STPG2: variants seen among roughly 807,000 people sequenced by gnomAD.
STPG2 encodes sperm tail PG-rich repeat containing 2, also known as sperm-tail PG-rich repeat-containing protein 2.
A neutral mutation model predicts 54.2 loss-of-function variants in STPG2; 56 were observed. That is an observed-to-expected ratio of 1.03 (90% confidence interval 0.83 to 1.29). The LOEUF (loss-of-function observed/expected upper bound fraction) is 1.29, where lower values mean the gene tolerates loss of function less well. Ranked by LOEUF, STPG2 falls within the 50% of genes most tolerant of loss-of-function variation. The pLI is 0.00. For missense variants in STPG2, 596 were observed against 544.9 expected (o/e 1.09, Z -0.93); for synonymous variants, 200 against 181.8 (o/e 1.10, Z -0.81).
At chr4:97,843,666 T>C (rs546315740) in intron 8 of STPG2, among the ~76,000 whole-genome samples, 4 of 152,086 alleles carry the variant, frequency 2.6e-5, no homozygotes, top group African/African-American at 9.6e-5. Flanking sequence ...GTTAAGTTGT[T>C]GAGAATCACA....
At chr4:97,602,234 T>C (rs138976410) in intron 10 of STPG2, among the ~76,000 whole-genome samples, 3,117 of 151,934 alleles carry the variant, frequency 0.021, 56 homozygotes, top group Middle Eastern at 0.051. Flanking sequence ...ACTATGTATC[T>C]ATCACTAATG....
chr4:97,815,275 G>C (rs1407153039), intron 9 of STPG2, among the ~76,000 whole-genome samples: 4 of 152,108 alleles, frequency 2.6e-5, no homozygotes, highest in Non-Finnish European at 5.9e-5. Flanking sequence ...TATACAGCTT[G>C]ACTATCCCTT....
intron 5 of STPG2, among the ~76,000 whole-genome samples, chr4:97,984,699 A>T (rs1734776912): frequency 6.6e-6 from 1 of 152,144 alleles, no homozygotes; most frequent in Non-Finnish European, 1.5e-5. Flanking sequence ...CCAAAAGATA[A>T]ATACGTATTT....
At chr4:97,595,192 A>C (rs1373597767) in intron 10 of STPG2, among the ~76,000 whole-genome samples, 1 of 152,236 alleles carries the variant, frequency 6.6e-6, no homozygotes, top group East Asian at 1.9e-4. Flanking sequence ...AAAGACTTGG[A>C]ACCAACCCAA....
At chr4:97,667,747 G>C (rs1023975768) in intron 10 of STPG2, among the ~76,000 whole-genome samples, 2 of 152,072 alleles carry the variant, frequency 1.3e-5, no homozygotes, top group African/African-American at 4.8e-5. Context: ...TTTCAAGTAA[G>C]AAAATTTGGA....
intron 4 of STPG2, among the ~76,000 whole-genome samples, chr4:97,527,826 G>A (rs548082379): frequency 3.3e-5 from 5 of 151,868 alleles, no homozygotes; most frequent in Admixed American, 6.6e-5. Context: ...CATATCCTTC[G>A]CCCACTTTTT....
chr4:97,550,716 G>A (rs901919112), intron 4 of STPG2, among the ~76,000 whole-genome samples: 3 of 152,152 alleles, frequency 2.0e-5, no homozygotes, highest in African/African-American at 7.2e-5. Context: ...TCCAGAGTTT[G>A]TTCCTTCAGA....
intron 4 of STPG2, among the ~76,000 whole-genome samples, chr4:97,503,465 A>G (rs987195339): frequency 1.3e-5 from 2 of 151,896 alleles, no homozygotes; most frequent in Admixed American, 6.6e-5. Context: ...TTCTTATTGC[A>G]GCCAATATTC....
chr4:97,595,604 T>TA (rs1348433501), intron 10 of STPG2, among the ~76,000 whole-genome samples: 7 of 146,132 alleles, frequency 4.8e-5, no homozygotes, highest in East Asian at 4.0e-4. Flanking sequence ...ATAATAAAAA[T>TA]AAAAAAACAA....
intron 5 of STPG2, among the ~76,000 whole-genome samples, chr4:98,029,291 C>G (rs28858828): frequency 0.39 from 59,920 of 151,918 alleles, 12,050 homozygotes; most frequent in Middle Eastern, 0.46. Flanking sequence ...GAAATAGCTA[C>G]CCATAATTGT....
intron 5 of STPG2, among the ~76,000 whole-genome samples, chr4:98,030,616 C>T (rs11728816): frequency 0.27 from 41,649 of 151,952 alleles, 5,989 homozygotes; most frequent in Middle Eastern, 0.36. Flanking sequence ...AGGCAGTATG[C>T]TACCCAACTT....
intron 4 of STPG2, among the ~76,000 whole-genome samples, chr4:97,515,435 G>C (rs1253486776): frequency 1.3e-5 from 2 of 152,036 alleles, no homozygotes; most frequent in African/African-American, 4.8e-5. Context: ...ACATGTGTTT[G>C]TGGGTGCTTA....
intron 9 of STPG2, among the ~76,000 whole-genome samples, chr4:97,764,071 G>C (rs921986730): frequency 5.3e-5 from 8 of 150,314 alleles, no homozygotes; most frequent in African/African-American, 2.0e-4. Context: ...TAGAGCTTCT[G>C]CTTGGATCCC....
intron 5 of STPG2, among the ~76,000 whole-genome samples, chr4:98,023,061 G>A (rs1305572163): frequency 6.6e-6 from 1 of 152,186 alleles, no homozygotes; most frequent in African/African-American, 2.4e-5. Context: ...TACTGGTGAG[G>A]AACTGCATTC....
At chr4:97,973,951 A>C (rs887778589) in intron 6 of STPG2, among the ~76,000 whole-genome samples, 2 of 152,186 alleles carry the variant, frequency 1.3e-5, no homozygotes, top group Non-Finnish European at 2.9e-5. Context: ...GAAGAGGGCC[A>C]CCATATTCCA....
At chr4:97,636,330 A>G (rs1326042135) in intron 10 of STPG2, among the ~76,000 whole-genome samples, 8 of 144,396 alleles carry the variant, frequency 5.5e-5, no homozygotes, top group African/African-American at 1.8e-4. Flanking sequence ...TCTCTGGGAC[A>G]CATTCAAAGC....
chr4:97,448,067 C>G (rs1729271011), intron 4 of STPG2, among the ~76,000 whole-genome samples: 1 of 152,224 alleles, frequency 6.6e-6, no homozygotes, highest in African/African-American at 2.4e-5. Context: ...AGGATTTAAT[C>G]TCTGCCCTGT....
chr4:97,853,745 C>T (rs1347556039), intron 8 of STPG2, among the ~76,000 whole-genome samples: 1 of 152,118 alleles, frequency 6.6e-6, no homozygotes, highest in African/African-American at 2.4e-5. Flanking sequence ...GGCTGTTTCC[C>T]CTGTTGTATA....
intron 4 of STPG2, among the ~76,000 whole-genome samples, chr4:97,541,620 C>G (rs1731707521): frequency 6.6e-6 from 1 of 152,162 alleles, no homozygotes; most frequent in Admixed American, 6.6e-5. Context: ...GAAAAACCTA[C>G]TTTAGAGTTT....
Sources: gnomAD v4.1 joint callset for allele counts (sites outside exome capture counted in the v4.1 genomes callset) on GRCh38, gnomAD v4.1.1 for gene constraint, MANE v1.5 for transcripts, NCBI Gene and HGNC (gene_info 2026-07-23, HGNC 2026-07-21) for gene names.